The following EXT1 variants were observed in gnomAD, a reference collection of about 807,000 sequenced individuals.
The protein encoded by EXT1 is exostosin-1.
A neutral mutation model predicts 82.5 loss-of-function variants in EXT1; 20 were observed. The ratio of observed to expected loss-of-function variants is 0.24; its 90% CI spans 0.17 to 0.35. The LOEUF is 0.35. Ranked by LOEUF, EXT1 falls within the 10% of genes least tolerant of loss-of-function variation. EXT1 has a pLI of 1.00. For synonymous variants in EXT1, 348 were observed against 350.8 expected (o/e 0.99, Z 0.09); for missense variants, 757 against 936.5 (o/e 0.81, Z 2.50).
chr8:117,908,777 G>C (rs1027535614), intron 1 of EXT1, among the ~76,000 whole-genome samples: 5 of 152,182 alleles, frequency 3.3e-5, no homozygotes, highest in Non-Finnish European at 7.3e-5. Flanking sequence ...ATTGATGACA[G>C]AAAGAGGAGC....
At chr8:118,078,478 A>G (rs1817250808) in intron 1 of EXT1, among the ~76,000 whole-genome samples, 1 of 152,050 alleles carries the variant, frequency 6.6e-6, no homozygotes, top group Non-Finnish European at 1.5e-5. Context: ...GATTACAGGC[A>G]TGAGCCACCA....
intron 1 of EXT1, among the ~76,000 whole-genome samples, chr8:118,006,428 C>A (rs906454773): frequency 1.3e-5 from 2 of 152,138 alleles, no homozygotes; most frequent in African/African-American, 4.8e-5. Context: ...CAAATATGAG[C>A]TCTGCCCTTT....
At chr8:117,980,686 C>T (rs1395762149) in intron 1 of EXT1, among the ~76,000 whole-genome samples, 5 of 112,960 alleles carry the variant, frequency 4.4e-5, no homozygotes, top group Non-Finnish European at 7.4e-5. Context: ...TTTGTTTGTT[C>T]GGGTGTTGGT....
Position 118,083,567 on chromosome 8 carries a change from C to T in EXT1, c.962+26518G>A, listed in dbSNP as rs901760706. ...GCCTATGCCCTAGGTGACACCTCAACACCTCTCTTCCTAATCTAGTTTAAT... is the reference window on the plus strand; with the variant it reads ...GCCTATGCCCTAGGTGACACCTCAATACCTCTCTTCCTAATCTAGTTTAAT... On this transcript the variant is annotated intron_variant, in intron 1 of 10. Coordinates refer to ENST00000378204, the MANE Select transcript of EXT1 (RefSeq NM_000127.3). Among the ~76,000 whole-genome samples, 3 of 152,272 alleles carry T rather than the reference C, an allele frequency of 2.0e-5. No homozygotes were observed. The South Asian group carries it at 6.2e-4, about 32-fold the overall frequency.
At chr8:117,803,237 C>T (rs1823192255) in intron 10 of EXT1, among the ~76,000 whole-genome samples, 1 of 151,926 alleles carries the variant, frequency 6.6e-6, no homozygotes, top group African/African-American at 2.4e-5. Context: ...TTCTGTCACC[C>T]AGCCTGAAGT....
intron 1 of EXT1, among the ~76,000 whole-genome samples, chr8:117,999,205 C>T (rs951075331): frequency 3.9e-5 from 6 of 152,218 alleles, no homozygotes; most frequent in African/African-American, 1.4e-4. Context: ...ACATCTCTCA[C>T]TGCCTAAACC....
At chr8:117,818,396 C>T (rs757245647) in intron 7 of EXT1, 39 bp downstream of exon 7, 1 of 1,563,902 alleles carries the variant, frequency 6.4e-7, no homozygotes, top group Non-Finnish European at 8.8e-7. Flanking sequence ...AACCAAGGCT[C>T]CACAGTGGTT....
chr8:117,833,226 T>A (rs1477504631), intron 3 of EXT1, among the ~76,000 whole-genome samples: 5 of 152,072 alleles, frequency 3.3e-5, no homozygotes, highest in Non-Finnish European at 7.4e-5. Context: ...CCAGCAAGTC[T>A]GGGTGGGTGG....
At chr8:117,839,470 G>A (rs1485230688) in intron 1 of EXT1, among the ~76,000 whole-genome samples, 5 of 152,098 alleles carry the variant, frequency 3.3e-5, no homozygotes, top group Admixed American at 1.3e-4. Flanking sequence ...ATATACATAC[G>A]TATCTGTTCA....
chr8:117,939,520 G>A (rs1433515796), intron 1 of EXT1, among the ~76,000 whole-genome samples: 1 of 143,706 alleles, frequency 7.0e-6, no homozygotes, highest in Non-Finnish European at 1.5e-5. Flanking sequence ...AGTAAGCCAA[G>A]ATTGCACCAC....
chr8:117,954,949 CA>C (rs1213042174), intron 1 of EXT1, among the ~76,000 whole-genome samples: 1 of 152,320 alleles, frequency 6.6e-6, no homozygotes, highest in African/African-American at 2.4e-5. Flanking sequence ...AAATGCCAAT[CA>C]CAAGTCTGGG....
intron 1 of EXT1, among the ~76,000 whole-genome samples, chr8:118,057,475 C>A (rs907740763): frequency 5.9e-5 from 9 of 151,774 alleles, no homozygotes; most frequent in Middle Eastern, 3.4e-3. Flanking sequence ...AGGAGGGAGG[C>A]AAAGGTTGCA....
At chr8:118,090,472 C>T (rs1350485197) in intron 1 of EXT1, among the ~76,000 whole-genome samples, 13 of 151,760 alleles carry the variant, frequency 8.6e-5, no homozygotes, top group Non-Finnish European at 1.8e-4. Context: ...TGAAGCCACT[C>T]TGTAGAAAAC....
At chr8:117,951,019 C>T (rs952837547) in intron 1 of EXT1, among the ~76,000 whole-genome samples, 1 of 152,120 alleles carries the variant, frequency 6.6e-6, no homozygotes, top group Non-Finnish European at 1.5e-5. Flanking sequence ...AGGATTAAAT[C>T]AATGTCAGAA....
At chr8:118,100,996 G>C (rs1173124683) in intron 1 of EXT1, among the ~76,000 whole-genome samples, 1 of 152,158 alleles carries the variant, frequency 6.6e-6, no homozygotes, top group Non-Finnish European at 1.5e-5. Context: ...TCAAAGTAGA[G>C]ATAAGTTATT....
intron 1 of EXT1, among the ~76,000 whole-genome samples, chr8:117,971,409 G>T (rs565060656): frequency 5.5e-4 from 83 of 152,222 alleles, no homozygotes; most frequent in Non-Finnish European, 1.1e-3. Flanking sequence ...ACTGATGTAT[G>T]TTCCCTGATC....
chr8:117,799,490 G>A lies in EXT1; in HGVS notation c.*222C>T. On this transcript the variant is annotated 3_prime_UTR_variant, in exon 11 of 11. Coordinates refer to ENST00000378204, the MANE Select transcript of EXT1 (RefSeq NM_000127.3). ...ATTAAACTGTACACAACCTAGTCTT[G>A]GGACACAGAAGCCAGTGAGGTGAGT... is the stretch of plus-strand genomic sequence containing the variant. 3.4e-6 allele frequency: 2 copies of A among 587,452 alleles called. No individual in the cohort carries two copies. Among genetic ancestry groups the A allele is most frequent in the Non-Finnish European group, 6.1e-6 (2 of 329,358 alleles). 36.4% of individuals were successfully genotyped at this position (587,452 alleles called of 1,614,324 possible).
At chr8:117,898,922 G>A (rs549770688) in intron 1 of EXT1, among the ~76,000 whole-genome samples, 10 of 151,846 alleles carry the variant, frequency 6.6e-5, no homozygotes, top group Non-Finnish European at 1.3e-4. Context: ...ATCAATTCCT[G>A]ATTTGTTTTG....
chr8:117,952,461 T>C (rs1384319837), intron 1 of EXT1, among the ~76,000 whole-genome samples: 3 of 152,156 alleles, frequency 2.0e-5, no homozygotes, highest in Non-Finnish European at 4.4e-5. Context: ...GAAAATATAA[T>C]CAACCCTCAA....
Sources: gnomAD v4.1 joint callset for allele counts (sites outside exome capture counted in the v4.1 genomes callset) on GRCh38, gnomAD v4.1.1 for gene constraint, MANE v1.5 for transcripts, NCBI Gene and HGNC (gene_info 2026-07-23, HGNC 2026-07-21) for gene names.